UBTD2: variants seen among roughly 807,000 people sequenced by gnomAD.
UBTD2 encodes the protein ubiquitin domain-containing protein 2.
A neutral mutation model predicts 19.8 loss-of-function variants in UBTD2; 9 were observed. That is an observed-to-expected ratio of 0.46 (90% CI 0.27 to 0.79). UBTD2 has a LOEUF of 0.79. Among genes scored for constraint, UBTD2 ranks in the 30% least tolerant of loss-of-function variants. The pLI is 0.14. For synonymous variants in UBTD2, 98 were observed against 103.9 expected, an observed-to-expected ratio of 0.94 and a Z score of 0.35; for missense variants, 250 against 300.4, an observed-to-expected ratio of 0.83 and a Z score of 1.24.
intron 1 of UBTD2, among the ~76,000 whole-genome samples, chr5:172,274,484 G>A (rs1320167311): frequency 6.6e-6 from 1 of 152,006 alleles, no homozygotes; most frequent in Non-Finnish European, 1.5e-5. Flanking sequence ...AGAAGCATAA[G>A]AAAATTCAAT....
intron 1 of UBTD2, among the ~76,000 whole-genome samples, chr5:172,266,908 T>C (rs762474609): frequency 1.3e-5 from 2 of 152,008 alleles, no homozygotes; most frequent in Admixed American, 6.6e-5. Context: ...GGTGCAGTGG[T>C]GTGCGCCTAT....
intron 2 of UBTD2, among the ~76,000 whole-genome samples, chr5:172,215,046 C>T (rs1771516315): frequency 1.3e-5 from 2 of 152,188 alleles, no homozygotes; most frequent in South Asian, 4.1e-4. Flanking sequence ...CACCCAGGAG[C>T]TGAAATCTCT....
intron 1 of UBTD2, among the ~76,000 whole-genome samples, chr5:172,265,571 C>T (rs1178393123): frequency 1.3e-5 from 2 of 152,144 alleles, no homozygotes; most frequent in Non-Finnish European, 2.9e-5. Context: ...CCTTGTGATC[C>T]GACCGCCTCG....
chr5:172,277,366 G>C (rs747485492), intron 1 of UBTD2, among the ~76,000 whole-genome samples: 1 of 152,002 alleles, frequency 6.6e-6, no homozygotes, highest in Non-Finnish European at 1.5e-5. Flanking sequence ...GAAACTAGAA[G>C]CACAAGCAAC....
chr5:172,234,046 C>G, intron 2 of UBTD2, 76 bp downstream of exon 2: 1 of 1,441,170 alleles, frequency 6.9e-7, no homozygotes, highest in Non-Finnish European at 9.7e-7. Context: ...AGGAAAAACA[C>G]TCTCCCATTT....
At chr5:172,258,568 T>G (rs1464902736) in intron 1 of UBTD2, among the ~76,000 whole-genome samples, 1 of 152,252 alleles carries the variant, frequency 6.6e-6, no homozygotes, top group African/African-American at 2.4e-5. Context: ...TTGGGCTGTA[T>G]GCCCATCTTA....
Position 172,283,485 on chromosome 5 carries a change from G to C in UBTD2, c.70+111C>G, listed in dbSNP as rs868792116. 26 of 806,064 alleles carry C rather than the reference G, an allele frequency of 3.2e-5. No homozygotes were observed. Among genetic ancestry groups the C allele is most frequent in the South Asian group, 2.8e-4 (5 of 17,890 alleles). The allele number at this position is 806,064 out of a possible 1,614,324, so 49.9% of individuals were successfully genotyped here. On this transcript the variant is annotated intron_variant, in intron 1 of 2. Transcript: ENST00000393792. The surrounding 1 kb of genome is among the most constrained non-coding windows in gnomAD (Gnocchi z 4.3). ...GAGCGCGGGGAATGACGTGGAAGAG[G>C]GGATGACAAAGGGGCGCGGGGGCCC...
chr5:172,225,931 C>CTA (rs1771753098), intron 2 of UBTD2, among the ~76,000 whole-genome samples: 3 of 119,108 alleles, frequency 2.5e-5, no homozygotes, highest in South Asian at 3.5e-4. Flanking sequence ...AAGGCTTAAA[C>CTA]TCTTTTTTTT....
At chr5:172,251,549 C>T (rs1755020394) in intron 1 of UBTD2, among the ~76,000 whole-genome samples, 1 of 148,584 alleles carries the variant, frequency 6.7e-6, no homozygotes, top group South Asian at 2.1e-4. Flanking sequence ...ATATAAGGGA[C>T]TTCCAATATG....
intron 1 of UBTD2, among the ~76,000 whole-genome samples, chr5:172,264,421 A>G (rs1755331469): frequency 6.6e-6 from 1 of 151,758 alleles, no homozygotes; most frequent in Non-Finnish European, 1.5e-5. Flanking sequence ...GGCACCTATA[A>G]TCCCAGCTAC....
intron 2 of UBTD2, among the ~76,000 whole-genome samples, chr5:172,221,583 AAAG>A (rs1357545972): frequency 6.6e-6 from 1 of 152,230 alleles, no homozygotes; most frequent in Non-Finnish European, 1.5e-5. Context: ...TAGTTAACTG[AAAG>A]AAGATAGTGT....
At position 172,211,252 on chromosome 5, in the gene UBTD2, G is replaced by A. The variant is rs1771437071; in HGVS notation, c.*578C>T. On this transcript the variant is annotated 3_prime_UTR_variant, in exon 3 of 3. Transcript: ENST00000393792. ...AGCAACACTAAAGCACAATTTGCCAGTCTCTACTCATTTATGGCTAAATAT... is the reference window on the plus strand; with the variant it reads ...AGCAACACTAAAGCACAATTTGCCAATCTCTACTCATTTATGGCTAAATAT... The A allele has an allele frequency of 6.6e-6, 1 of 152,372 alleles. No individual in the cohort carries two copies. The highest frequency in any genetic ancestry group is 2.4e-5 in the African/African-American group (1 of 41,428). 9.4% of individuals were successfully genotyped at this position (152,372 alleles called of 1,614,324 possible).
At chr5:172,249,406 A>C (rs1169490309) in intron 1 of UBTD2, among the ~76,000 whole-genome samples, 8 of 69,252 alleles carry the variant, frequency 1.2e-4, no homozygotes, top group African/African-American at 4.6e-4. Flanking sequence ...CTCATGAAAA[A>C]AAAAAAAAAA....
At chr5:172,282,471 A>C (rs930436200) in intron 1 of UBTD2, among the ~76,000 whole-genome samples, 7 of 152,236 alleles carry the variant, frequency 4.6e-5, no homozygotes, top group African/African-American at 1.7e-4. Flanking sequence ...CAAAAAACTT[A>C]GGTGTACATG....
intron 1 of UBTD2, among the ~76,000 whole-genome samples, chr5:172,256,470 T>C (rs1244142054): frequency 6.6e-6 from 1 of 151,378 alleles, no homozygotes; most frequent in Non-Finnish European, 1.5e-5. Flanking sequence ...CAGTCTCAAG[T>C]ATACTCCTTT....
At chr5:172,234,686 G>A (rs1771972638) in intron 1 of UBTD2, among the ~76,000 whole-genome samples, 1 of 152,084 alleles carries the variant, frequency 6.6e-6, no homozygotes, top group Non-Finnish European at 1.5e-5. Context: ...GTGGAAGGAA[G>A]GCTTGAATCC....
chr5:172,240,874 C>T (rs1360907881), intron 1 of UBTD2, among the ~76,000 whole-genome samples: 1 of 151,944 alleles, frequency 6.6e-6, no homozygotes, highest in Non-Finnish European at 1.5e-5. Context: ...TCAATGTGGC[C>T]AAGGAGTTCA....
intron 2 of UBTD2, among the ~76,000 whole-genome samples, chr5:172,230,774 T>C (rs899214684): frequency 2.0e-5 from 3 of 151,508 alleles, no homozygotes; most frequent in South Asian, 2.1e-4. Context: ...GTAAAATTTA[T>C]TTTTTTCCTT....
intron 2 of UBTD2, among the ~76,000 whole-genome samples, chr5:172,217,279 C>T (rs1771562182): frequency 6.6e-6 from 1 of 151,192 alleles, no homozygotes; most frequent in Admixed American, 6.6e-5. Flanking sequence ...ATTAGCCAGG[C>T]ATGGTGGTGG....
Sources: allele counts gnomAD v4.1 joint callset (sites outside exome capture counted in the v4.1 genomes callset), GRCh38; gene constraint gnomAD v4.1.1; non-coding constraint Gnocchi (gnomAD v3.1); transcripts MANE v1.5; gene names NCBI Gene and HGNC (gene_info 2026-07-23, HGNC 2026-07-21).